Variants in INSC observed in about 807,000 individuals in gnomAD.
INSC encodes INSC spindle orientation adaptor protein, also known as protein inscuteable homolog.
A neutral mutation model predicts 58.6 loss-of-function variants in INSC; 67 were observed. That is an observed-to-expected ratio of 1.14 (90% CI 0.94 to 1.40). The LOEUF (loss-of-function observed/expected upper bound fraction) is 1.40, where lower values mean the gene tolerates loss of function less well. INSC is among the 40% of genes most tolerant of loss of function. The pLI is 0.00. For missense variants in INSC, 714 were observed against 692.0 expected, an observed-to-expected ratio of 1.03 and a Z score of -0.36; for synonymous variants, 262 against 276.1, an observed-to-expected ratio of 0.95 and a Z score of 0.51.
intron 7 of INSC, among the ~76,000 whole-genome samples, chr11:15,203,859 CAGA>C (rs1850693754): frequency 6.7e-6 from 1 of 148,356 alleles, no homozygotes; most frequent in Non-Finnish European, 1.5e-5. Context: ...GAAAAAAAAA[CAGA>C]AGAAGAATAA....
At chr11:15,200,759 A>G in intron 6 of INSC, 65 bp from the exon 7 acceptor site, 1 of 1,604,214 alleles carries the variant, frequency 6.2e-7, no homozygotes, top group Non-Finnish European at 8.5e-7. Context: ...GATGTCACTT[A>G]TTCTTGAGTT....
chr11:15,113,766 G>T (rs1847628533), upstream of INSC, among the ~76,000 whole-genome samples: 1 of 152,148 alleles, frequency 6.6e-6, no homozygotes, highest in Non-Finnish European at 1.5e-5. Context: ...TAATATCAGA[G>T]AGCTACTGTG....
At chr11:15,117,675 C>A (rs1402505202) in intron 1 of INSC, among the ~76,000 whole-genome samples, 1 of 152,174 alleles carries the variant, frequency 6.6e-6, no homozygotes, top group Non-Finnish European at 1.5e-5. Flanking sequence ...GAAAAACCAG[C>A]AATTAAGCAT....
At chr11:15,235,831 G>A (rs151055080) in intron 10 of INSC, among the ~76,000 whole-genome samples, 163 bp downstream of exon 10, 2 of 152,104 alleles carry the variant, frequency 1.3e-5, no homozygotes, top group Non-Finnish European at 1.5e-5. Flanking sequence ...AGAGGTGGGC[G>A]GATCAACTGA....
chr11:15,243,015 C>T (rs1301905898), intron 12 of INSC, among the ~76,000 whole-genome samples: 1 of 152,208 alleles, frequency 6.6e-6, no homozygotes, highest in South Asian at 2.1e-4. Flanking sequence ...TGTACTTTTC[C>T]CCCTCTAGCC....
the INSC span, among the ~76,000 whole-genome samples, chr11:15,269,436 C>A: frequency 3.3e-5 from 5 of 152,018 alleles, no homozygotes; most frequent in Admixed American, 3.3e-4. Flanking sequence ...ATGCTTTCAA[C>A]TTCGCCATTT....
At chr11:15,120,453 C>T (rs536711977) in intron 1 of INSC, among the ~76,000 whole-genome samples, 19 of 152,132 alleles carry the variant, frequency 1.2e-4, no homozygotes, top group African/African-American at 2.2e-4. Flanking sequence ...AAGGCCTTCC[C>T]GAAAGTGTAA....
At chr11:15,146,706 T>A (rs796723501) in intron 1 of INSC, among the ~76,000 whole-genome samples, 7 of 152,372 alleles carry the variant, frequency 4.6e-5, no homozygotes, top group African/African-American at 1.7e-4. Context: ...CTTCTTGTGC[T>A]CACTGCTTCT....
chr11:15,176,713 G>T (rs1397647564), intron 3 of INSC, among the ~76,000 whole-genome samples: 1 of 152,074 alleles, frequency 6.6e-6, no homozygotes, highest in Admixed American at 6.5e-5. Flanking sequence ...CAAAGCCCAA[G>T]GTGAACCATT....
Position 15,199,692 on chromosome 11 carries a change from G to A in INSC, c.694-1132G>A, listed in dbSNP as rs535254521. On this transcript the variant is annotated intron_variant, in intron 6 of 12. Coordinates refer to ENST00000379556, the MANE Select transcript of INSC (RefSeq NM_001042536.3). ...TTTGGGAACCGGTACAATGAGGTTAGTTAGACCCAGGAGTGATGAGGTTAA... is the reference window on the plus strand; with the variant it reads ...TTTGGGAACCGGTACAATGAGGTTAATTAGACCCAGGAGTGATGAGGTTAA... Among the ~76,000 whole-genome samples the A allele has an allele frequency of 2.6e-5, 4 of 152,318 alleles. No homozygotes were observed. The East Asian group carries it at 5.8e-4, about 22-fold the overall frequency.
intron 8 of INSC, among the ~76,000 whole-genome samples, chr11:15,223,499 A>G (rs1457237527): frequency 6.6e-6 from 1 of 152,214 alleles, no homozygotes; most frequent in Non-Finnish European, 1.5e-5. Flanking sequence ...GGAATCCTCA[A>G]TTTAATCTTC....
Position 15,116,829 on chromosome 11 carries a change from CTT to C in INSC, c.-46+1828_-46+1829del, listed in dbSNP as rs1361764466. 5.0e-4 allele frequency among the ~76,000 whole-genome samples: 19 copies of C among 37,766 alleles called. No individual in the cohort carries two copies. The East Asian group carries it at 0.012, about 24-fold the overall frequency. 24.8% of individuals were successfully genotyped at this position (37,766 alleles called of 152,430 possible). A position where few individuals can be genotyped will look rare whatever the true frequency, so the allele number is the denominator to read the frequency against. The stretch of plus-strand genomic sequence containing the variant: ...CTTTTCTTTCTTTCTTTCTTTCTTT[CTT>C]TCTTTCTTTCTTTCTTTCTCTCTCT... On this transcript the variant is annotated intron_variant, in intron 1 of 12. Transcript: ENST00000379556.
At chr11:15,222,857 T>C (rs1054839778) in intron 8 of INSC, among the ~76,000 whole-genome samples, 2 of 152,218 alleles carry the variant, frequency 1.3e-5, no homozygotes, top group African/African-American at 4.8e-5. Flanking sequence ...AGCCCATTGT[T>C]GAAAGTCTTG....
At chr11:15,116,979 A>C (rs1590322115) in intron 1 of INSC, among the ~76,000 whole-genome samples, 1 of 133,888 alleles carries the variant, frequency 7.5e-6, no homozygotes, top group Non-Finnish European at 1.6e-5. Context: ...GTCTTGCTCT[A>C]TCGCCCAGGC....
At chr11:15,115,992 A>G (rs1712205417) in intron 1 of INSC, among the ~76,000 whole-genome samples, 1 of 152,030 alleles carries the variant, frequency 6.6e-6, no homozygotes, top group South Asian at 2.1e-4. Flanking sequence ...CTCAGTGGGG[A>G]ATATTTTAAG....
At chr11:15,254,895 C>A in the INSC span, among the ~76,000 whole-genome samples, 2 of 152,130 alleles carry the variant, frequency 1.3e-5, no homozygotes, top group African/African-American at 4.8e-5. Flanking sequence ...AATGGAAAAG[C>A]TGGGACTTGG....
downstream of INSC, among the ~76,000 whole-genome samples, chr11:15,248,569 G>T (rs977633553): frequency 2.2e-4 from 33 of 152,258 alleles, no homozygotes; most frequent in African/African-American, 7.5e-4. Flanking sequence ...GGAAGCAAAT[G>T]ATTTTTCCCC....
the INSC span, among the ~76,000 whole-genome samples, chr11:15,263,631 C>T: frequency 1.3e-5 from 2 of 152,104 alleles, no homozygotes; most frequent in Non-Finnish European, 2.9e-5. Context: ...AAATTTTCAG[C>T]TTAAAAACAC....
At chr11:15,172,139 A>T (rs1849422255) in intron 2 of INSC, among the ~76,000 whole-genome samples, 1 of 152,200 alleles carries the variant, frequency 6.6e-6, no homozygotes, top group African/African-American at 2.4e-5. Flanking sequence ...AATGTAACAG[A>T]TGTCCACTGC....
Sources: allele counts gnomAD v4.1 joint callset (sites outside exome capture counted in the v4.1 genomes callset), GRCh38; gene constraint gnomAD v4.1.1; transcripts MANE v1.5; gene names NCBI Gene and HGNC (gene_info 2026-07-23, HGNC 2026-07-21).